The following MTCL1 variants were observed in gnomAD, a reference collection of about 807,000 sequenced individuals.
MTCL1 encodes the protein microtubule crosslinking factor 1, also known as microtubule cross-linking factor 1.
Under a neutral mutation model 141.4 loss-of-function variants are expected in MTCL1, and 79 were observed. The observed-to-expected ratio is 0.56, with a 90% CI of 0.47 to 0.67. The LOEUF is 0.67. Ranked by LOEUF, MTCL1 falls within the 30% of genes least tolerant of loss-of-function variation. The pLI, the probability that MTCL1 is intolerant of heterozygous loss-of-function variation, is 0.00. For synonymous variants in MTCL1, 914 were observed against 875.8 expected (o/e 1.04, Z -0.77); for missense variants, 2,177 against 2,113.9 (o/e 1.03, Z -0.59).
chr18:8,709,284 G>A (rs981198473), intron 1 of MTCL1, among the ~76,000 whole-genome samples: 14 of 151,862 alleles, frequency 9.2e-5, no homozygotes, highest in African/African-American at 3.4e-4. Context: ...CCTTGAACCC[G>A]TGGGCTCAAG....
In MTCL1 at chr18:8,720,553, A is replaced by G. The variant is rs74903084; in HGVS notation, c.357+57A>G. ...TGGATTTAATAAGGAGGAGCTTGGAACTCCAAGTGCCCCCTTCTCATTGTG... is the reference window on the plus strand; with the variant it reads ...TGGATTTAATAAGGAGGAGCTTGGAGCTCCAAGTGCCCCCTTCTCATTGTG... On this transcript the variant is annotated intron_variant, in intron 4 of 16. Transcript: ENST00000359865. 4,240 of 1,524,906 alleles carry G rather than the reference A, an allele frequency of 2.8e-3. 117 individuals carry two copies. In the African/African-American group the frequency reaches 0.052, roughly 19 times the overall value. The allele number at this position is 1,524,906 out of a possible 1,614,324, so 94.5% of individuals were successfully genotyped here. A position where few individuals can be genotyped will look rare whatever the true frequency, so the allele number is the denominator to read the frequency against.
intron 10 of MTCL1, among the ~76,000 whole-genome samples, chr18:8,805,803 G>A (rs979888382): frequency 8.5e-5 from 13 of 152,314 alleles, no homozygotes; most frequent in Non-Finnish European, 1.6e-4. Context: ...CTGAGAGCTT[G>A]TGATGTGCTT....
chr18:8,743,282 CAT>C (rs1271513224), intron 4 of MTCL1, among the ~76,000 whole-genome samples: 1 of 152,196 alleles, frequency 6.6e-6, no homozygotes, highest in Non-Finnish European at 1.5e-5. Context: ...AATGTAATCA[CAT>C]GTTACATATT....
chr18:8,783,640 G>A (rs2096540238), exon 6 of MTCL1: 1 of 1,613,536 alleles, frequency 6.2e-7, no homozygotes, highest in East Asian at 2.2e-5. Flanking sequence ...TGGAGCAGGA[G>A]CTCCAGAAGT....
intron 5 of MTCL1, among the ~76,000 whole-genome samples, chr18:8,781,421 C>T (rs145841148): frequency 7.6e-4 from 116 of 152,208 alleles, no homozygotes; most frequent in South Asian, 1.9e-3. Context: ...TTATGTCTAC[C>T]TAACCCAAAC....
At chr18:8,757,911 G>T (rs1042592982) in intron 4 of MTCL1, among the ~76,000 whole-genome samples, 2 of 152,078 alleles carry the variant, frequency 1.3e-5, no homozygotes, top group African/African-American at 4.8e-5. Context: ...AGGTTTTAAA[G>T]ACTGACTTGT....
At chr18:8,827,801 T>C (rs1309972827) in intron 15 of MTCL1, among the ~76,000 whole-genome samples, 1 of 152,246 alleles carries the variant, frequency 6.6e-6, no homozygotes, top group Non-Finnish European at 1.5e-5. Flanking sequence ...TTACGAATAG[T>C]GAATCCTGCA....
chr18:8,813,360 AAG>A, intron 12 of MTCL1, 127 bp downstream of exon 11: 4 of 1,141,572 alleles, frequency 3.5e-6, no homozygotes, highest in Non-Finnish European at 3.7e-6. Flanking sequence ...CTTCCAAAGG[AAG>A]AGAGAGAAAT....
chr18:8,717,134 G>A (rs568006047), upstream of MTCL1, among the ~76,000 whole-genome samples: 10 of 152,280 alleles, frequency 6.6e-5, no homozygotes, highest in Admixed American at 4.6e-4. Context: ...CATGCTGCTC[G>A]GGATGCAGAG....
chr18:8,825,454 G>A lies in MTCL1; in HGVS notation c.3944G>A (p.Arg1315Gln), dbSNP rs371036341. Residue 1315 changes from arginine to glutamine, a missense_variant, in exon 15 of 17, where the codon CGG becomes CAG. By Grantham distance (43) the Arg-to-Gln change is conservative. Coordinates refer to ENST00000359865, the Ensembl canonical transcript of MTCL1. ...ATGGCCTGCCAGACCAATGGGTCCC[G>A]GACGATGGGGACCCAGACTGTTCAG... 66 of 1,593,496 alleles carry A rather than the reference G, an allele frequency of 4.1e-5. No homozygotes were observed. Among genetic ancestry groups the A allele is most frequent in the Admixed American group, 1.4e-4 (8 of 58,994 alleles).
intron 4 of MTCL1, among the ~76,000 whole-genome samples, chr18:8,776,505 C>T (rs1046168550): frequency 6.6e-6 from 1 of 152,110 alleles, no homozygotes; most frequent in African/African-American, 2.4e-5. Context: ...TAATGTAAAA[C>T]TAGGCAGGGT....
chr18:8,775,903 C>T (rs2096506000), intron 4 of MTCL1, among the ~76,000 whole-genome samples: 1 of 152,140 alleles, frequency 6.6e-6, no homozygotes, highest in Non-Finnish European at 1.5e-5. Context: ...CTCCAGCCTC[C>T]TAGAGGCTCA....
chr18:8,750,112 C>T (rs1176538554), intron 4 of MTCL1, among the ~76,000 whole-genome samples: 2 of 151,884 alleles, frequency 1.3e-5, no homozygotes, highest in African/African-American at 2.4e-5. Context: ...GGTGTGATCG[C>T]GGCTCACTGC....
chr18:8,829,548 C>T (rs1441962277), intron 16 of MTCL1: 94 of 978,660 alleles, frequency 9.6e-5, no homozygotes, highest in Non-Finnish European at 1.1e-4. Flanking sequence ...ATCCCCACTC[C>T]AAATATCTTG....
chr18:8,744,273 GTT>G (rs2096322916), intron 4 of MTCL1, among the ~76,000 whole-genome samples: 1 of 152,236 alleles, frequency 6.6e-6, no homozygotes, highest in African/African-American at 2.4e-5. Flanking sequence ...TTCTTCTCCT[GTT>G]CTCCCATTCT....
exon 4 of MTCL1, chr18:8,720,362 T>C: frequency 1.2e-6 from 2 of 1,614,154 alleles, no homozygotes; most frequent in South Asian, 2.2e-5. Context: ...ATCTGTCAGA[T>C]TGCACCACGA....
At chr18:8,806,166 T>C (rs1416089650) in intron 10 of MTCL1, among the ~76,000 whole-genome samples, 13 of 152,332 alleles carry the variant, frequency 8.5e-5, no homozygotes, top group Admixed American at 7.2e-4. Flanking sequence ...CTGATAGTTC[T>C]ATCTCAAGGG....
At chr18:8,784,206 A>C in exon 6 of MTCL1, 1 of 1,613,406 alleles carries the variant, frequency 6.2e-7, no homozygotes, top group Non-Finnish European at 8.5e-7. Flanking sequence ...CTGCTGTCCA[A>C]CATCCAGCGC....
At chr18:8,764,870 A>G (rs2096452302) in intron 4 of MTCL1, among the ~76,000 whole-genome samples, 1 of 152,246 alleles carries the variant, frequency 6.6e-6, no homozygotes, top group African/African-American at 2.4e-5. Context: ...AGGCATTGTC[A>G]TGGAGGCTTT....
Sources: gnomAD v4.1 joint callset for allele counts (sites outside exome capture counted in the v4.1 genomes callset) on GRCh38, gnomAD v4.1.1 for gene constraint, MANE v1.5 for transcripts, NCBI Gene and HGNC (gene_info 2026-07-23, HGNC 2026-07-21) for gene names.